The following ATP9B variants were observed in gnomAD, a reference collection of about 807,000 sequenced individuals.
ATP9B encodes ATPase phospholipid transporting 9B.
Under a neutral mutation model 146.1 loss-of-function variants are expected in ATP9B, and 110 were observed. The ratio of observed to expected loss-of-function variants is 0.75; its 90% confidence interval spans 0.65 to 0.88. The LOEUF is 0.88. ATP9B is among the 40% of genes least tolerant of loss of function. ATP9B has a pLI of 0.00. For missense variants in ATP9B, 1,499 were observed against 1,496.4 expected, an observed-to-expected ratio of 1.00 and a Z score of -0.03; for synonymous variants, 604 against 569.7, an observed-to-expected ratio of 1.06 and a Z score of -0.86.
chr18:79,284,870 G>A (rs1384279279), intron 13 of ATP9B, among the ~76,000 whole-genome samples: 1 of 150,660 alleles, frequency 6.6e-6, no homozygotes, highest in Non-Finnish European at 1.5e-5. Flanking sequence ...AATATGCAGT[G>A]TTTGGTTTTT....
intron 13 of ATP9B, among the ~76,000 whole-genome samples, chr18:79,278,093 A>G (rs1205177031): frequency 6.6e-6 from 1 of 152,228 alleles, no homozygotes; most frequent in African/African-American, 2.4e-5. Flanking sequence ...AGGTATAGCA[A>G]AAGTGGCAGA....
At position 79,323,664 on chromosome 18, in the gene ATP9B, T is replaced by TGA. The variant is rs1188468292; in HGVS notation, c.1774-5477_1774-5476insGA. Among the ~76,000 whole-genome samples, 4 of 152,328 alleles carry TGA rather than the reference T, an allele frequency of 2.6e-5. No homozygotes were observed. The East Asian group carries it at 7.7e-4, about 29-fold the overall frequency. ...TCATTCTTTAGTGATGGCTGAATAA[T>TGA]ACTCCATTGTGTGTACACCACGTTT... On this transcript the variant is annotated intron_variant, in intron 15 of 29. Coordinates refer to ENST00000426216, the MANE Select transcript of ATP9B (RefSeq NM_198531.5).
chr18:79,241,625 A>G (rs1045996329), intron 11 of ATP9B, among the ~76,000 whole-genome samples: 9 of 152,240 alleles, frequency 5.9e-5, no homozygotes, highest in Non-Finnish European at 1.3e-4. Context: ...ACTAATTACT[A>G]GAATTTTAGC....
chr18:79,202,651 A>C lies in ATP9B; in HGVS notation c.955-4286A>C, dbSNP rs116769203. Among the ~76,000 whole-genome samples the C allele has an allele frequency of 5.4e-3, 818 of 152,380 alleles. 9 individuals carry two copies. The highest frequency in any genetic ancestry group is 0.019 in the African/African-American group (787 of 41,588). ...GAGATAATTTATTTTCAGTCTTCCCAGTCTTTATTCTGTGCTTCATGAGAC... is the reference window on the plus strand; with the variant it reads ...GAGATAATTTATTTTCAGTCTTCCCCGTCTTTATTCTGTGCTTCATGAGAC... On this transcript the variant is annotated intron_variant, in intron 9 of 29. Transcript: ENST00000426216.
At chr18:79,195,670 A>G (rs2095411400) in intron 9 of ATP9B, among the ~76,000 whole-genome samples, 1 of 152,202 alleles carries the variant, frequency 6.6e-6, no homozygotes, top group South Asian at 2.1e-4. Flanking sequence ...ATAAAACAGG[A>G]TAACGTGAAT....
intron 12 of ATP9B, among the ~76,000 whole-genome samples, chr18:79,263,863 T>A (rs936359423): frequency 1.3e-5 from 2 of 152,160 alleles, no homozygotes; most frequent in African/African-American, 4.8e-5. Flanking sequence ...GGCGGGTGGA[T>A]CACGAGGTCA....
intron 13 of ATP9B, among the ~76,000 whole-genome samples, chr18:79,284,144 G>T (rs1165170038): frequency 6.6e-6 from 1 of 152,190 alleles, no homozygotes; most frequent in African/African-American, 2.4e-5. Context: ...GTTTGTAAGG[G>T]CAGGCAAGCA....
chr18:79,364,860 C>T (rs2097016931), intron 26 of ATP9B, among the ~76,000 whole-genome samples: 1 of 151,942 alleles, frequency 6.6e-6, no homozygotes, highest in Admixed American at 6.6e-5. Context: ...CGTGTCTCTA[C>T]AAAACATAGA....
At chr18:79,199,102 C>T (rs1472120476) in intron 9 of ATP9B, among the ~76,000 whole-genome samples, 3 of 152,046 alleles carry the variant, frequency 2.0e-5, no homozygotes, top group African/African-American at 7.2e-5. Context: ...GAGTCACGCA[C>T]TGCCACGCCG....
At chr18:79,204,451 C>A (rs768967629) in intron 9 of ATP9B, among the ~76,000 whole-genome samples, 3 of 152,234 alleles carry the variant, frequency 2.0e-5, no homozygotes, top group East Asian at 1.9e-4. Context: ...CTTTTAAGTT[C>A]TTTTCCCTTG....
intron 2 of ATP9B, among the ~76,000 whole-genome samples, chr18:79,108,139 CAG>C (rs1234876963): frequency 1.3e-5 from 2 of 152,110 alleles, no homozygotes; most frequent in Non-Finnish European, 2.9e-5. Context: ...GAAGGCGACT[CAG>C]AGTAGAAGAG....
intron 11 of ATP9B, among the ~76,000 whole-genome samples, chr18:79,224,360 C>T (rs1236054959): frequency 3.3e-5 from 5 of 152,136 alleles, no homozygotes; most frequent in East Asian, 1.9e-4. Context: ...TGGAATGTCT[C>T]GTGAGACTGA....
chr18:79,246,575 G>A (rs902811906), intron 11 of ATP9B, among the ~76,000 whole-genome samples: 1 of 152,206 alleles, frequency 6.6e-6, no homozygotes, highest in African/African-American at 2.4e-5. Context: ...TTAGGGTAAC[G>A]CTTTTTGTCA....
In ATP9B at chr18:79,133,467, A is replaced by G. The variant is rs78752981; in HGVS notation, c.667+7092A>G. 1.4e-3 allele frequency among the ~76,000 whole-genome samples: 206 copies of G among 152,092 alleles called. 2 individuals carry two copies. Among genetic ancestry groups the G allele is most frequent in the African/African-American group, 4.9e-3 (202 of 41,482 alleles). On this transcript the variant is annotated intron_variant, in intron 5 of 29. Coordinates refer to ENST00000426216, the MANE Select transcript of ATP9B (RefSeq NM_198531.5). ...GTTCTCTGTGGCTGGACCAAGGTAG[A>G]TATACTCAGATGTGGCCATATAGAC...
intron 1 of ATP9B, among the ~76,000 whole-genome samples, chr18:79,084,787 T>C (rs1233471402): frequency 6.6e-6 from 1 of 152,230 alleles, no homozygotes; most frequent in African/African-American, 2.4e-5. Flanking sequence ...TTCCTTGAAG[T>C]GGAATTATTT....
intron 12 of ATP9B, 136 bp from the exon 13 acceptor site, chr18:79,276,908 GGGTTTTATCT>G: frequency 1.6e-6 from 2 of 1,266,018 alleles, no homozygotes; most frequent in Non-Finnish European, 2.3e-6. Context: ...CCACTGCAGT[GGGTTTTATCT>G]GGCAGTTTGG....
At chr18:79,327,788 T>TTAACGTGCTCTCCGTGGC (rs2096764610) in intron 15 of ATP9B, among the ~76,000 whole-genome samples, 1 of 124,448 alleles carries the variant, frequency 8.0e-6, no homozygotes, top group African/African-American at 3.1e-5. Flanking sequence ...CTCTCCGTGG[T>TTAACGTGCTCTCCGTGGC]TAGCGTGCTC....
intron 12 of ATP9B, among the ~76,000 whole-genome samples, chr18:79,261,756 T>C (rs532776319): frequency 6.6e-6 from 1 of 152,318 alleles, no homozygotes. Flanking sequence ...CAGTGCTCCA[T>C]GGCTACTGTT....
At chr18:79,273,122 GTTTTA>G (rs2096273313) in intron 12 of ATP9B, among the ~76,000 whole-genome samples, 1 of 152,226 alleles carries the variant, frequency 6.6e-6, no homozygotes. Context: ...ACATGTGCGT[GTTTTA>G]TTTTGTTTGG....
Sources: allele counts gnomAD v4.1 joint callset (sites outside exome capture counted in the v4.1 genomes callset), GRCh38; gene constraint gnomAD v4.1.1; transcripts MANE v1.5; gene names NCBI Gene and HGNC (gene_info 2026-07-23, HGNC 2026-07-21).